The following LAMA2 variants were observed in gnomAD, a reference collection of about 807,000 sequenced individuals.
LAMA2 encodes the protein laminin subunit alpha-2.
LAMA2 carries 269 observed loss-of-function variants against 364.8 expected under a neutral mutation model. The ratio of observed to expected loss-of-function variants is 0.74; its 90% CI spans 0.67 to 0.82. The LOEUF is 0.82. LAMA2 is among the 40% of genes least tolerant of loss of function. The probability of loss-of-function intolerance (pLI) is 0.00; values close to 1 mark genes in which losing one functional copy is unlikely to be tolerated. For missense variants in LAMA2, 3,807 were observed against 3,873.2 expected (o/e 0.98, Z 0.45); for synonymous variants, 1,379 against 1,370.6 (o/e 1.01, Z -0.14).
intron 58 of LAMA2, among the ~76,000 whole-genome samples, chr6:129,496,309 G>A (rs1161630147): frequency 6.6e-6 from 1 of 151,970 alleles, no homozygotes; most frequent in East Asian, 1.9e-4. Flanking sequence ...TGGGATTACG[G>A]GCATGCACCA....
At chr6:128,950,965 T>C (rs1780779156) in intron 1 of LAMA2, among the ~76,000 whole-genome samples, 1 of 152,212 alleles carries the variant, frequency 6.6e-6, no homozygotes, top group African/African-American at 2.4e-5. Flanking sequence ...TAAGGCCATG[T>C]AAAAATATCA....
intron 61 of LAMA2, among the ~76,000 whole-genome samples, chr6:129,505,621 G>A (rs1785999244): frequency 6.6e-6 from 1 of 152,056 alleles, no homozygotes; most frequent in South Asian, 2.1e-4. Context: ...CCATTCTCCT[G>A]CCTCAGCCTC....
At chr6:129,077,563 C>T (rs1171679107) in intron 3 of LAMA2, among the ~76,000 whole-genome samples, 2 of 152,010 alleles carry the variant, frequency 1.3e-5, no homozygotes, top group African/African-American at 4.8e-5. Flanking sequence ...TGTATATATG[C>T]ACATAGATAA....
intron 1 of LAMA2, among the ~76,000 whole-genome samples, 161 bp downstream of exon 1, chr6:128,883,518 T>C (rs189617421): frequency 6.6e-6 from 1 of 152,094 alleles, no homozygotes; most frequent in Non-Finnish European, 1.5e-5. Flanking sequence ...TCAAGTTCAA[T>C]GCCATGAGAG....
At chr6:129,431,209 G>C (rs1408859290) in intron 41 of LAMA2, among the ~76,000 whole-genome samples, 1 of 152,080 alleles carries the variant, frequency 6.6e-6, no homozygotes, top group Admixed American at 6.5e-5. Context: ...GACCAGCATG[G>C]CCAGCGTGGT....
At chr6:129,506,226 G>T (rs1786063598) in intron 61 of LAMA2, among the ~76,000 whole-genome samples, 1 of 151,912 alleles carries the variant, frequency 6.6e-6, no homozygotes, top group African/African-American at 2.4e-5. Flanking sequence ...GGTGGTGTGT[G>T]TCTGTAGTCC....
In LAMA2 at chr6:129,316,064, T is replaced by C; in HGVS notation, c.3951T>C (p.Asp1317=). ...TEKEWKYYGD[D]PRVHRTVTRE... Reference sequence around the variant, plus strand: ...AAGAATGGAAATATTATGGGGATGATCCTCGAGTCCATAGAACTGTGACCC... The same window carrying C: ...AAGAATGGAAATATTATGGGGATGACCCTCGAGTCCATAGAACTGTGACCC... The change falls in exon 27 of 65, where the codon GAT becomes GAC. Residue 1317 remains aspartate, a synonymous_variant. Transcript: ENST00000421865. 1 of 1,613,892 alleles carries C rather than the reference T, an allele frequency of 6.2e-7. No individual in the cohort carries two copies. Among genetic ancestry groups the C allele is most frequent in the Non-Finnish European group, 8.5e-7 (1 of 1,179,758 alleles).
intron 41 of LAMA2, among the ~76,000 whole-genome samples, chr6:129,438,041 T>G (rs988717376): frequency 2.6e-5 from 4 of 151,084 alleles, no homozygotes; most frequent in Non-Finnish European, 5.9e-5. Flanking sequence ...TGCTAAAGTA[T>G]CAAGAGAAAA....
chr6:129,246,224 G>A (rs1488392941), intron 12 of LAMA2, among the ~76,000 whole-genome samples: 1 of 151,944 alleles, frequency 6.6e-6, no homozygotes, highest in Non-Finnish European at 1.5e-5. Flanking sequence ...ATTGACTTTT[G>A]TGCAGTTCTT....
chr6:129,416,844 G>C lies in LAMA2; in HGVS notation c.5866-10908G>C, dbSNP rs185628867. Among the ~76,000 whole-genome samples the C allele has an allele frequency of 1.3e-3, 201 of 152,298 alleles. 1 individual carries two copies. Among genetic ancestry groups the C allele is most frequent in the Non-Finnish European group, 2.2e-3 (151 of 68,032 alleles). ...TGAGTGAGCGTGGGCTCCAGCCACT[G>C]TGCACAGCTAAGCGTGCCAGCTGCA... is the stretch of plus-strand genomic sequence containing the variant. On this transcript the variant is annotated intron_variant, in intron 40 of 64. Coordinates refer to ENST00000421865, the MANE Select transcript of LAMA2 (RefSeq NM_000426.4).
chr6:129,222,863 T>C (rs2115102021), intron 12 of LAMA2, among the ~76,000 whole-genome samples: 1 of 152,310 alleles, frequency 6.6e-6, no homozygotes, highest in Non-Finnish European at 1.5e-5. Context: ...TACCCAGTAA[T>C]GGGATGACTG....
chr6:129,515,857 A>T (rs1290498432), intron 64 of LAMA2, among the ~76,000 whole-genome samples: 1 of 152,108 alleles, frequency 6.6e-6, no homozygotes, highest in Non-Finnish European at 1.5e-5. Flanking sequence ...TTGGGCATAG[A>T]TGGGGAGATC....
chr6:128,991,131 A>AG (rs1783583057), intron 1 of LAMA2, among the ~76,000 whole-genome samples: 1 of 152,098 alleles, frequency 6.6e-6, no homozygotes, highest in South Asian at 2.1e-4. Context: ...TGTCCCATAC[A>AG]GGGGAAAAAA....
intron 51 of LAMA2, among the ~76,000 whole-genome samples, chr6:129,471,315 T>C (rs1783798177): frequency 6.6e-6 from 1 of 151,928 alleles, no homozygotes; most frequent in African/African-American, 2.4e-5. Flanking sequence ...TCCCTTTAAG[T>C]CAGTAAAAAT....
intron 23 of LAMA2, among the ~76,000 whole-genome samples, chr6:129,313,954 A>G (rs1490237607): frequency 6.6e-6 from 1 of 152,232 alleles, no homozygotes; most frequent in Non-Finnish European, 1.5e-5. Flanking sequence ...CAATAATTAT[A>G]TAAATTGATA....
chr6:129,361,205 G>A (rs1431018782), intron 32 of LAMA2, among the ~76,000 whole-genome samples: 4 of 152,088 alleles, frequency 2.6e-5, no homozygotes, highest in African/African-American at 9.7e-5. Context: ...CTTCACTAGA[G>A]GTCAAATGGA....
chr6:128,938,650 A>T (rs1479285215), intron 1 of LAMA2, among the ~76,000 whole-genome samples: 1 of 152,166 alleles, frequency 6.6e-6, no homozygotes, highest in Non-Finnish European at 1.5e-5. Context: ...TTCTCAGAGG[A>T]TGTCCTTCGG....
In LAMA2 at chr6:129,250,230, A is replaced by G. The variant is rs756567155; in HGVS notation, c.1884+17A>G. Reference sequence around the variant, plus strand: ...ATCTTAGAGGTAGAGTACTGAGAGCATGTTCACCCGTGTTACTTCCTGATG... The same window carrying G: ...ATCTTAGAGGTAGAGTACTGAGAGCGTGTTCACCCGTGTTACTTCCTGATG... On this transcript the variant is annotated intron_variant, in intron 13 of 64. Transcript: ENST00000421865. 1.4e-6 allele frequency: 2 copies of G among 1,415,214 alleles called. No individual in the cohort carries two copies. Among genetic ancestry groups the G allele is most frequent in the East Asian group, 2.3e-5 (1 of 43,968 alleles). The allele number at this position is 1,415,214 out of a possible 1,614,324, so 87.7% of individuals were successfully genotyped here.
chr6:129,207,713 A>C (rs141518143), intron 12 of LAMA2, among the ~76,000 whole-genome samples: 55 of 152,312 alleles, frequency 3.6e-4, no homozygotes, highest in Non-Finnish European at 7.2e-4. Flanking sequence ...TTATTTTTAT[A>C]ATGAAATACA....
Sources: allele counts gnomAD v4.1 joint callset (sites outside exome capture counted in the v4.1 genomes callset), GRCh38; gene constraint gnomAD v4.1.1; transcripts MANE v1.5; gene names NCBI Gene and HGNC (gene_info 2026-07-23, HGNC 2026-07-21).